The following CPQ variants were observed in gnomAD, a reference collection of about 807,000 sequenced individuals.
CPQ encodes carboxypeptidase Q.
A neutral mutation model predicts 45.7 loss-of-function variants in CPQ; 37 were observed. That is an observed-to-expected ratio of 0.81 (90% CI 0.62 to 1.07). CPQ has a LOEUF of 1.07. CPQ is among the 50% of genes least tolerant of loss of function. CPQ has a pLI of 0.00. For synonymous variants in CPQ, 186 were observed against 205.8 expected (o/e 0.90, Z 0.82); for missense variants, 537 against 572.9 (o/e 0.94, Z 0.64).
chr8:96,910,157 G>A (rs190947701), intron 4 of CPQ, among the ~76,000 whole-genome samples: 3 of 152,244 alleles, frequency 2.0e-5, no homozygotes, highest in Admixed American at 6.5e-5. Flanking sequence ...TTGTGTGGCC[G>A]GTCTGTGGGG....
At chr8:96,808,541 A>G (rs1811115337) in intron 2 of CPQ, among the ~76,000 whole-genome samples, 3 of 152,196 alleles carry the variant, frequency 2.0e-5, no homozygotes, top group East Asian at 3.8e-4. Context: ...AAAATTCTCT[A>G]GAGTTGAATT....
Position 97,066,042 on chromosome 8 carries a change from T to A in CPQ, c.1087T>A (p.Ser363Thr). ...NISNYSLVMESDAGTFLPTGL... is the reference protein window; with the variant it reads ...NISNYSLVMETDAGTFLPTGL... The stretch of plus-strand genomic sequence containing the variant: ...TTCCAACTACAGTCTGGTGATGGAG[T>A]CTGACGCAGGAACCTTCTTACCCAC... The change falls in exon 7 of 8, where the codon TCT (serine) becomes ACT (threonine). Residue 363 changes from serine (S) to threonine (T), a missense_variant. Coordinates refer to ENST00000220763, the MANE Select transcript of CPQ (RefSeq NM_016134.4). 1 of 1,611,448 alleles carries A rather than the reference T, an allele frequency of 6.2e-7. No individual in the cohort carries two copies.
At chr8:96,965,460 C>T (rs1813539940) in intron 4 of CPQ, among the ~76,000 whole-genome samples, 1 of 151,286 alleles carries the variant, frequency 6.6e-6, no homozygotes, top group African/African-American at 2.4e-5. Context: ...AGCTCCACCT[C>T]CCGAGTTCAC....
At chr8:97,024,769 T>C (rs1448491030) in intron 5 of CPQ, among the ~76,000 whole-genome samples, 1 of 152,262 alleles carries the variant, frequency 6.6e-6, no homozygotes, top group Non-Finnish European at 1.5e-5. Context: ...TCTCGGATAC[T>C]GTACTCTTAT....
At chr8:96,770,327 C>T (rs1159277490) in intron 1 of CPQ, among the ~76,000 whole-genome samples, 2 of 152,144 alleles carry the variant, frequency 1.3e-5, no homozygotes, top group East Asian at 1.9e-4. Context: ...ATCTCACTAA[C>T]CTGCTATCAC....
chr8:96,841,065 G>A (rs980732330), intron 3 of CPQ, among the ~76,000 whole-genome samples: 2 of 151,876 alleles, frequency 1.3e-5, no homozygotes, highest in Non-Finnish European at 2.9e-5. Context: ...TTGCCTATTC[G>A]AGTCCTGTAG....
chr8:97,077,605 T>A (rs908979102), intron 7 of CPQ, among the ~76,000 whole-genome samples: 1 of 152,224 alleles, frequency 6.6e-6, no homozygotes, highest in African/African-American at 2.4e-5. Context: ...GATCTGTGTA[T>A]ACTTTGTGGT....
chr8:96,654,206 T>C (rs1815611873), intron 1 of CPQ, among the ~76,000 whole-genome samples: 2 of 152,226 alleles, frequency 1.3e-5, no homozygotes, highest in African/African-American at 4.8e-5. Context: ...GTAGTGTCTA[T>C]TAGCTCTTGA....
chr8:97,123,967 C>T (rs994761067), intron 7 of CPQ, among the ~76,000 whole-genome samples: 11 of 151,888 alleles, frequency 7.2e-5, no homozygotes, highest in Non-Finnish European at 4.4e-5. Context: ...ACACAGTGAT[C>T]TTAAAAGTAA....
chr8:97,082,540 A>C (rs1810968255), intron 7 of CPQ, among the ~76,000 whole-genome samples: 1 of 152,188 alleles, frequency 6.6e-6, no homozygotes, highest in African/African-American at 2.4e-5. Context: ...CAGACAAGGA[A>C]AGTCAGCAGT....
At chr8:96,924,290 G>A (rs1157405933) in intron 4 of CPQ, among the ~76,000 whole-genome samples, 1 of 152,052 alleles carries the variant, frequency 6.6e-6, no homozygotes. Context: ...TACCAGGGTG[G>A]GCATTTACTC....
At chr8:96,862,794 T>C (rs765085632) in intron 3 of CPQ, among the ~76,000 whole-genome samples, 2 of 152,078 alleles carry the variant, frequency 1.3e-5, no homozygotes, top group Non-Finnish European at 2.9e-5. Context: ...TGTGCCTATG[T>C]GACGATGTTC....
Position 97,029,463 on chromosome 8 carries a change from T to G in CPQ, c.1022T>G (p.Val341Gly), listed in dbSNP as rs1586502969. 1 of 1,609,160 alleles carries G rather than the reference T, an allele frequency of 6.2e-7. No individual in the cohort carries two copies. The highest frequency in any genetic ancestry group is 8.5e-7 in the Non-Finnish European group (1 of 1,177,724). ...TGGACTGCAGAAGAACAAGGTGGAG[T>G]TGGTGCCTTCCAGTATTATCAGTTA... ...VLWTAEEQGG[V>G]GAFQYYQLHK... The change falls in exon 6 of 8, where the codon GTT (valine) becomes GGT (glycine). Residue 341 changes from valine to glycine, a missense_variant. Coordinates refer to ENST00000220763, the MANE Select transcript of CPQ (RefSeq NM_016134.4).
chr8:96,705,085 G>C (rs1199367451), intron 1 of CPQ, among the ~76,000 whole-genome samples: 2 of 152,122 alleles, frequency 1.3e-5, no homozygotes, highest in Non-Finnish European at 1.5e-5. Flanking sequence ...AGATGATAAA[G>C]AAGGGTGAAC....
At chr8:96,937,803 C>T (rs1280927403) in intron 4 of CPQ, among the ~76,000 whole-genome samples, 1 of 152,158 alleles carries the variant, frequency 6.6e-6, no homozygotes, top group Non-Finnish European at 1.5e-5. Flanking sequence ...GCTAAGCTTG[C>T]TTCTAAGATA....
At chr8:96,725,354 A>G (rs1809822311) in intron 1 of CPQ, among the ~76,000 whole-genome samples, 1 of 152,244 alleles carries the variant, frequency 6.6e-6, no homozygotes. Context: ...TCTAATATCC[A>G]GACTCTATAA....
Position 96,790,123 on chromosome 8 carries a change from A to G in CPQ, c.433+4793A>G, listed in dbSNP as rs375002110. 2.3e-3 allele frequency among the ~76,000 whole-genome samples: 349 copies of G among 152,260 alleles called. 4 individuals carry two copies. The highest frequency in any genetic ancestry group is 8.2e-3 in the African/African-American group (341 of 41,564). On this transcript the variant is annotated intron_variant, in intron 2 of 7. Transcript: ENST00000220763. ...TCCATTATTTTCAGCAACACCCTTA[A>G]GTAGGGAATTCTCCGTTCTCTGCAC... is the stretch of plus-strand genomic sequence containing the variant.
intron 2 of CPQ, among the ~76,000 whole-genome samples, chr8:96,820,359 T>G (rs1811283996): frequency 6.6e-6 from 1 of 152,048 alleles, no homozygotes; most frequent in South Asian, 2.1e-4. Context: ...AAAAAAATAT[T>G]TTTTATTGTA....
At chr8:96,662,222 T>G (rs1739040392) in intron 1 of CPQ, among the ~76,000 whole-genome samples, 4 of 152,324 alleles carry the variant, frequency 2.6e-5, no homozygotes, top group South Asian at 2.1e-4. Context: ...AGTGGCAGAA[T>G]TTTTGTTCAT....
Sources: allele counts gnomAD v4.1 joint callset (sites outside exome capture counted in the v4.1 genomes callset), GRCh38; gene constraint gnomAD v4.1.1; transcripts MANE v1.5; gene names NCBI Gene and HGNC (gene_info 2026-07-23, HGNC 2026-07-21).